The following ACTR3C variants were observed in gnomAD, a reference collection of about 807,000 sequenced individuals.
The protein encoded by ACTR3C is actin related protein 3C.
Under a neutral mutation model 26.3 loss-of-function variants are expected in ACTR3C, and 18 were observed. That is an observed-to-expected ratio of 0.68 (90% CI 0.47 to 1.01). ACTR3C has a LOEUF of 1.01. Ranked by LOEUF, ACTR3C falls within the 50% of genes least tolerant of loss-of-function variation. The pLI is 0.00. For missense variants in ACTR3C, 184 were observed against 250.7 expected (o/e 0.73, Z 1.80); for synonymous variants, 55 against 94.5 (o/e 0.58, Z 2.42).
chr7:150,127,749 C>T, the ACTR3C span, among the ~76,000 whole-genome samples: 1 of 151,624 alleles, frequency 6.6e-6, no homozygotes, highest in African/African-American at 2.4e-5. Context: ...TTAAAGTAAA[C>T]CTACTTTCCT....
chr7:150,192,490 C>T, the ACTR3C span, among the ~76,000 whole-genome samples: 14 of 152,054 alleles, frequency 9.2e-5, no homozygotes, highest in Non-Finnish European at 1.6e-4. Context: ...TTCATAGAAA[C>T]GACGTCTCGC....
At chr7:150,170,142 C>T in the ACTR3C span, among the ~76,000 whole-genome samples, 1 of 149,592 alleles carries the variant, frequency 6.7e-6, no homozygotes, top group Admixed American at 6.6e-5. Context: ...CTTTCAAGTT[C>T]CCTCATGTGA....
chr7:149,956,786 A>G, the ACTR3C span, among the ~76,000 whole-genome samples: 7 of 152,064 alleles, frequency 4.6e-5, no homozygotes, highest in Non-Finnish European at 7.4e-5. Context: ...TAGGGGCTGG[A>G]TAGAAGCAGG....
At chr7:150,280,612 A>T (rs1338633154) in intron 6 of ACTR3C, among the ~76,000 whole-genome samples, 3 of 152,148 alleles carry the variant, frequency 2.0e-5, no homozygotes, top group Non-Finnish European at 2.9e-5. Flanking sequence ...GGAAGAGGGT[A>T]CGGTGTAGTG....
intron 4 of ACTR3C, among the ~76,000 whole-genome samples, chr7:150,288,068 G>A (rs1224848315): frequency 1.4e-5 from 2 of 144,800 alleles, no homozygotes; most frequent in Admixed American, 6.7e-5. Flanking sequence ...TCTAAACCAC[G>A]CCTTTCAGGA....
chr7:150,041,917 G>C, the ACTR3C span, among the ~76,000 whole-genome samples: 3 of 151,166 alleles, frequency 2.0e-5, no homozygotes, highest in African/African-American at 7.3e-5. Flanking sequence ...AGCCAGGGGG[G>C]GAAGAGGGTC....
intron 4 of ACTR3C, among the ~76,000 whole-genome samples, chr7:150,288,283 C>T (rs1835941597): frequency 6.6e-6 from 1 of 150,394 alleles, no homozygotes; most frequent in Non-Finnish European, 1.5e-5. Context: ...GAGTTGAAGG[C>T]CCAGCATGAG....
At chr7:150,171,239 A>G in the ACTR3C span, among the ~76,000 whole-genome samples, 1 of 147,592 alleles carries the variant, frequency 6.8e-6, no homozygotes, top group East Asian at 1.9e-4. Context: ...GTCTCAATAA[A>G]TTTAAAAGGG....
At chr7:150,277,148 T>C (rs13231935) in intron 6 of ACTR3C, among the ~76,000 whole-genome samples, 7,469 of 152,208 alleles carry the variant, frequency 0.049, 257 homozygotes, top group South Asian at 0.093. Context: ...ATTTTGGACT[T>C]GCCAGCCTGA....
At chr7:149,969,327 G>A in the ACTR3C span, among the ~76,000 whole-genome samples, 1 of 86,210 alleles carries the variant, frequency 1.2e-5, no homozygotes, top group Admixed American at 1.3e-4. Flanking sequence ...GTGTGTGTGT[G>A]TGTGATGCTG....
the ACTR3C span, among the ~76,000 whole-genome samples, chr7:150,082,947 C>CTTTTTTT: frequency 9.2e-6 from 1 of 108,550 alleles, no homozygotes; most frequent in Non-Finnish European, 1.8e-5. Context: ...TTTTTTTTTT[C>CTTTTTTT]TTTTTTTTTT....
At chr7:149,962,521 T>C in the ACTR3C span, among the ~76,000 whole-genome samples, 96 of 151,886 alleles carry the variant, frequency 6.3e-4, no homozygotes, top group Non-Finnish European at 1.0e-4. Context: ...AGTCAGGCCA[T>C]GTCCCCGCCA....
the ACTR3C span, among the ~76,000 whole-genome samples, chr7:150,163,380 GTGTA>G: frequency 2.9e-5 from 4 of 136,376 alleles, no homozygotes; most frequent in South Asian, 2.2e-4. Flanking sequence ...ATATATATGT[GTGTA>G]TGTGTGTGTG....
chr7:150,229,128 A>T, the ACTR3C span, among the ~76,000 whole-genome samples: 3 of 151,790 alleles, frequency 2.0e-5, no homozygotes, highest in East Asian at 1.9e-4. Context: ...TTATCTGCTT[A>T]AAAAAAAGAC....
chr7:149,942,665 C>A, the ACTR3C span, among the ~76,000 whole-genome samples: 2 of 149,928 alleles, frequency 1.3e-5, no homozygotes, highest in Non-Finnish European at 2.9e-5. Flanking sequence ...AGAGGAATGG[C>A]CCTGGTTCTC....
At chr7:150,029,422 CAAAA>C in the ACTR3C span, among the ~76,000 whole-genome samples, 35 of 68,118 alleles carry the variant, frequency 5.1e-4, no homozygotes, top group South Asian at 1.9e-3. Context: ...AAAAAACAAA[CAAAA>C]AAAAACCATG....
chr7:149,906,580 C>T, the ACTR3C span, among the ~76,000 whole-genome samples: 1 of 150,974 alleles, frequency 6.6e-6, no homozygotes, highest in African/African-American at 2.4e-5. Context: ...TACAGGCACC[C>T]GCCACCATCC....
chr7:150,260,513 T>C (rs993337266), intron 6 of ACTR3C, among the ~76,000 whole-genome samples: 3 of 152,260 alleles, frequency 2.0e-5, no homozygotes, highest in African/African-American at 7.2e-5. Context: ...CTAATCCTTT[T>C]GTTGCTCACT....
the ACTR3C span, among the ~76,000 whole-genome samples, chr7:150,028,397 C>T: frequency 6.6e-6 from 1 of 152,408 alleles, no homozygotes; most frequent in East Asian, 1.9e-4. Flanking sequence ...TGTGTAAGTG[C>T]ACGGGAGATC....
Sources: allele counts gnomAD v4.1 joint callset (sites outside exome capture counted in the v4.1 genomes callset), GRCh38; gene constraint gnomAD v4.1.1; transcripts MANE v1.5; gene names NCBI Gene and HGNC (gene_info 2026-07-23, HGNC 2026-07-21).